Variants in RPTOR observed in about 807,000 individuals in gnomAD.
RPTOR encodes the protein regulatory associated protein of MTOR complex 1, also known as regulatory-associated protein of mTOR.
In RPTOR, 21 loss-of-function variants were observed where a neutral mutation model predicts 169.9. The ratio of observed to expected loss-of-function variants is 0.12; its 90% confidence interval spans 0.09 to 0.18. RPTOR has a LOEUF of 0.18. RPTOR is among the 10% of genes least tolerant of loss of function. RPTOR has a pLI of 1.00. For synonymous variants in RPTOR, 732 were observed against 753.2 expected, an observed-to-expected ratio of 0.97 and a Z score of 0.46; for missense variants, 1,133 against 1,855.9, an observed-to-expected ratio of 0.61 and a Z score of 7.16.
In RPTOR at chr17:80,867,952, A is replaced by C. The variant is rs184768352; in HGVS notation, c.1509+10052A>C. On this transcript the variant is annotated intron_variant, in intron 13 of 33. Transcript: ENST00000306801. ...AAATACAAAGGACCTACAGCAGGCA[A>C]AACAACTTTGAAAAAGAAAAACACA... 1.6e-4 allele frequency among the ~76,000 whole-genome samples: 24 copies of C among 152,328 alleles called. No homozygotes were observed. In the East Asian group the frequency reaches 4.4e-3, roughly 28 times the overall value.
intron 5 of RPTOR, among the ~76,000 whole-genome samples, chr17:80,732,807 A>G (rs1303630215): frequency 6.6e-6 from 1 of 152,256 alleles, no homozygotes; most frequent in Non-Finnish European, 1.5e-5. Flanking sequence ...GAGAAACAGC[A>G]ATCCTGTGTA....
chr17:80,873,908 G>A (rs914383100), intron 13 of RPTOR, among the ~76,000 whole-genome samples: 2 of 152,178 alleles, frequency 1.3e-5, no homozygotes, highest in Admixed American at 6.5e-5. Context: ...TGGGGAAGTC[G>A]TGCAGACGTG....
intron 3 of RPTOR, among the ~76,000 whole-genome samples, chr17:80,665,943 A>C (rs914272270): frequency 6.6e-6 from 1 of 152,130 alleles, no homozygotes; most frequent in Non-Finnish European, 1.5e-5. Context: ...GTAACCCTGG[A>C]GGCCACTGAG....
intron 3 of RPTOR, among the ~76,000 whole-genome samples, chr17:80,686,424 ACG>A (rs577175080): frequency 1.1e-3 from 162 of 151,454 alleles, no homozygotes; most frequent in African/African-American, 3.9e-3. Context: ...TTTGAAGTAG[ACG>A]CAACCATTGT....
intron 7 of RPTOR, among the ~76,000 whole-genome samples, chr17:80,797,091 G>T (rs2067108812): frequency 6.6e-6 from 1 of 152,104 alleles, no homozygotes; most frequent in Non-Finnish European, 1.5e-5. Flanking sequence ...TATGTTTAAA[G>T]TCTCATAAGA....
intron 7 of RPTOR, among the ~76,000 whole-genome samples, chr17:80,807,169 T>C (rs778291841): frequency 2.0e-5 from 3 of 152,234 alleles, no homozygotes; most frequent in Non-Finnish European, 4.4e-5. Flanking sequence ...TTTTTGGCAA[T>C]ATAGTTAGCT....
At chr17:80,743,817 A>ACTCTCCT (rs2066517406) in intron 5 of RPTOR, among the ~76,000 whole-genome samples, 1 of 124,752 alleles carries the variant, frequency 8.0e-6, no homozygotes, top group African/African-American at 2.9e-5. Flanking sequence ...GGCTACTAGC[A>ACTCTCCT]GAGCCCTGGC....
intron 3 of RPTOR, among the ~76,000 whole-genome samples, chr17:80,679,349 T>G (rs2143701607): frequency 6.6e-6 from 1 of 152,358 alleles, no homozygotes; most frequent in South Asian, 2.1e-4. Context: ...GGCAGTCGGC[T>G]GGCTCAGGCA....
At chr17:80,906,328 A>G (rs187994856) in intron 20 of RPTOR, among the ~76,000 whole-genome samples, 219 of 152,098 alleles carry the variant, frequency 1.4e-3, no homozygotes, top group African/African-American at 4.7e-3. Context: ...TACAGTCTGG[A>G]CCGATTTTAC....
chr17:80,727,506 T>C (rs1429747722), intron 4 of RPTOR, among the ~76,000 whole-genome samples: 290 of 118,108 alleles, frequency 2.5e-3, no homozygotes, highest in Middle Eastern at 0.024. Flanking sequence ...CATCATGCTC[T>C]GAGAACGTGG....
intron 2 of RPTOR, among the ~76,000 whole-genome samples, chr17:80,634,305 G>GTACTGTGTGCGTGTGCA (rs2065471023): frequency 1.1e-5 from 1 of 87,794 alleles, no homozygotes; most frequent in African/African-American, 6.1e-5. Context: ...GTGTGTGTGC[G>GTACTGTGTGCGTGTGCA]TACTGTGCGT....
chr17:80,607,121 A>G (rs182509306), intron 1 of RPTOR, among the ~76,000 whole-genome samples: 36 of 152,180 alleles, frequency 2.4e-4, no homozygotes, highest in African/African-American at 8.4e-4. Flanking sequence ...TTTTTTTTGA[A>G]GAGGAGTCTC....
In RPTOR at chr17:80,744,304, C is replaced by G. The variant is rs1470905525; in HGVS notation, c.655-9706C>G. Among the ~76,000 whole-genome samples, 398 of 100,446 alleles carry G rather than the reference C, an allele frequency of 4.0e-3. 3 individuals carry two copies. The highest frequency in any genetic ancestry group is 5.2e-3 in the African/African-American group (106 of 20,296). The allele number at this position is 100,446 out of a possible 152,430, so 65.9% of individuals were successfully genotyped here. On this transcript the variant is annotated intron_variant, in intron 5 of 33. Coordinates refer to ENST00000306801, the MANE Select transcript of RPTOR (RefSeq NM_020761.3). Reference sequence around the variant, plus strand: ...ACTAGCACTGTCCTGGCTACTAGCACAGCCCTGGTTACTAGCACAGCCCTG... The same window carrying G: ...ACTAGCACTGTCCTGGCTACTAGCAGAGCCCTGGTTACTAGCACAGCCCTG...
chr17:80,722,599 T>G (rs2066296495), intron 4 of RPTOR, among the ~76,000 whole-genome samples: 1 of 150,902 alleles, frequency 6.6e-6, no homozygotes, highest in South Asian at 2.1e-4. Flanking sequence ...TGTGAAGAGG[T>G]GACTATGTGT....
rs2067910624 is a variant in RPTOR, at chr17:80,860,886, G to T, written c.1509+2986G>T. 6.8e-6 allele frequency among the ~76,000 whole-genome samples: 1 copy of T among 146,896 alleles called. No individual in the cohort carries two copies. The highest frequency in any genetic ancestry group is 2.4e-5 in the African/African-American group (1 of 41,094). ...ACCGTGCTTGCCATCTCTCCCAGCTGCTCCTGATTTCCTGAGCTGGATGCG... is the reference window on the plus strand; with the variant it reads ...ACCGTGCTTGCCATCTCTCCCAGCTTCTCCTGATTTCCTGAGCTGGATGCG... On this transcript the variant is annotated intron_variant, in intron 13 of 33. Coordinates refer to ENST00000306801, the MANE Select transcript of RPTOR (RefSeq NM_020761.3). This position sits in a 1 kb window ranked among gnomAD's most constrained non-coding sequence, Gnocchi z 5.8.
chr17:80,707,990 C>T lies in RPTOR; in HGVS notation c.498C>T (p.Val166=). The part of the protein sequence containing the change: ...PRPTVNGEVW[V]FNKNYTQYIP... ...CCACAGTCAACGGGGAGGTCTGGGT[C>T]TTCAACAAGGTGGGTGTGCCTTCCA... is the stretch of plus-strand genomic sequence containing the variant. The change falls in exon 4 of 34, where the codon GTC becomes GTT. Residue 166 remains valine, a synonymous_variant. Coordinates refer to ENST00000306801, the MANE Select transcript of RPTOR (RefSeq NM_020761.3). The surrounding 1 kb of genome is among the most constrained non-coding windows in gnomAD (Gnocchi z 5.0). 6.2e-7 allele frequency: 1 copy of T among 1,612,354 alleles called. No homozygotes were observed. The highest frequency in any genetic ancestry group is 1.1e-5 in the South Asian group (1 of 90,902).
chr17:80,934,865 C>T (rs1437387182), intron 24 of RPTOR, among the ~76,000 whole-genome samples: 1 of 151,956 alleles, frequency 6.6e-6, no homozygotes, highest in African/African-American at 2.4e-5. Context: ...GAATAAAAAA[C>T]ACAGATTCCC....
chr17:80,782,027 T>G (rs2066946754), intron 6 of RPTOR, among the ~76,000 whole-genome samples: 1 of 152,248 alleles, frequency 6.6e-6, no homozygotes, highest in African/African-American at 2.4e-5. Context: ...ATTGACTGAT[T>G]CTTAAATGAT....
intron 4 of RPTOR, among the ~76,000 whole-genome samples, chr17:80,717,816 G>A (rs370448684): frequency 3.9e-5 from 6 of 152,128 alleles, no homozygotes; most frequent in Non-Finnish European, 7.4e-5. Flanking sequence ...AGCAAAATCC[G>A]GGCTCAGATT....
Sources: gnomAD v4.1 joint callset for allele counts (sites outside exome capture counted in the v4.1 genomes callset) on GRCh38, gnomAD v4.1.1 for gene constraint, Gnocchi (gnomAD v3.1) non-coding constraint, MANE v1.5 for transcripts, NCBI Gene and HGNC (gene_info 2026-07-23, HGNC 2026-07-21) for gene names.